The following TAMM41 variants were observed in gnomAD, a reference collection of about 807,000 sequenced individuals.
The protein encoded by TAMM41 is phosphatidate cytidylyltransferase, mitochondrial.
Under a neutral mutation model 44.1 loss-of-function variants are expected in TAMM41, and 36 were observed. The ratio of observed to expected loss-of-function variants is 0.82; its 90% CI spans 0.63 to 1.08. The LOEUF (loss-of-function observed/expected upper bound fraction) is 1.08. Ranked by LOEUF, TAMM41 falls within the 50% of genes least tolerant of loss-of-function variation. The pLI is 0.00. For synonymous variants in TAMM41, 164 were observed against 153.1 expected (o/e 1.07, Z -0.53); for missense variants, 417 against 404.3 (o/e 1.03, Z -0.27).
At chr3:11,731,935 C>T in the TAMM41 span, among the ~76,000 whole-genome samples, 17 of 151,106 alleles carry the variant, frequency 1.1e-4, no homozygotes, top group South Asian at 2.1e-4. Context: ...AGCACAATCT[C>T]GGCTCACTGC....
At chr3:11,801,413 T>C (rs374342200) in intron 7 of TAMM41, among the ~76,000 whole-genome samples, 1 of 151,978 alleles carries the variant, frequency 6.6e-6, no homozygotes. Flanking sequence ...AGCCTCAAAC[T>C]CCTTTGGCTC....
the TAMM41 span, among the ~76,000 whole-genome samples, chr3:11,749,901 C>CTT: frequency 2.9e-5 from 4 of 135,960 alleles, no homozygotes; most frequent in East Asian, 2.1e-4. Context: ...CTTTTTCTTT[C>CTT]TTTTTTTTTT....
At chr3:11,781,342 A>T in the TAMM41 span, among the ~76,000 whole-genome samples, 1 of 152,290 alleles carries the variant, frequency 6.6e-6, no homozygotes. Context: ...GTTCTTCCTG[A>T]TCTCAGAAAT....
intron 3 of TAMM41, among the ~76,000 whole-genome samples, chr3:11,830,245 C>T (rs977566534): frequency 6.6e-6 from 1 of 152,158 alleles, no homozygotes; most frequent in Non-Finnish European, 1.5e-5. Flanking sequence ...ATTTAGACCT[C>T]ATCTGTAATC....
the TAMM41 span, among the ~76,000 whole-genome samples, chr3:11,742,281 C>G: frequency 6.7e-6 from 1 of 150,350 alleles, no homozygotes; most frequent in East Asian, 1.9e-4. Flanking sequence ...GACCACCAAT[C>G]TGTTTTCCAT....
At chr3:11,757,775 A>G in the TAMM41 span, among the ~76,000 whole-genome samples, 1 of 152,184 alleles carries the variant, frequency 6.6e-6, no homozygotes, top group African/African-American at 2.4e-5. Context: ...TGGCCATGTC[A>G]CCATACCAGT....
chr3:11,766,790 A>C, the TAMM41 span, among the ~76,000 whole-genome samples: 1 of 151,708 alleles, frequency 6.6e-6, no homozygotes, highest in Non-Finnish European at 1.5e-5. Flanking sequence ...GGCTGGTCTC[A>C]AACTCCTGGC....
the TAMM41 span, among the ~76,000 whole-genome samples, chr3:11,770,886 T>TGTGCCCTTGG: frequency 6.6e-6 from 1 of 152,278 alleles, no homozygotes; most frequent in Admixed American, 6.5e-5. Flanking sequence ...TAGTCCCAGG[T>TGTGCCCTTGG]GTCTCTCCCC....
At position 11,844,066 on chromosome 3, in the gene TAMM41, C is replaced by A; in HGVS notation, c.281G>T (p.Gly94Val). 6.2e-7 allele frequency: 1 copy of A among 1,614,148 alleles called. No individual in the cohort carries two copies. The highest frequency in any genetic ancestry group is 1.7e-5 in the Admixed American group (1 of 60,016). ...ITSIQNNYGA[G>V]VYYNSLIMCN... ...CATGATCAATGAATTGTAGTAAACT[C>A]CAGCGCCATAGTTATTCTGGATGGA... The change falls in exon 2 of 8, where the codon GGA (glycine) becomes GTA (valine). Residue 94 changes from glycine (G) to valine (V), a missense_variant. Transcript: ENST00000455809.
chr3:11,813,991 T>C (rs903651968), intron 5 of TAMM41, among the ~76,000 whole-genome samples: 2 of 145,864 alleles, frequency 1.4e-5, no homozygotes, highest in Admixed American at 6.9e-5. Flanking sequence ...CACCTGTGTA[T>C]ACACACACAC....
chr3:11,762,955 T>C, the TAMM41 span, among the ~76,000 whole-genome samples: 4 of 152,104 alleles, frequency 2.6e-5, no homozygotes, highest in African/African-American at 7.2e-5. Flanking sequence ...GGGGAATCAC[T>C]TGAACCCAGA....
chr3:11,797,966 G>A (rs984945714), intron 7 of TAMM41, among the ~76,000 whole-genome samples: 4 of 152,188 alleles, frequency 2.6e-5, no homozygotes, highest in Admixed American at 2.6e-4. Flanking sequence ...TCTCACAGCA[G>A]TCAGAATGGT....
At chr3:11,786,583 G>A (rs1410853676), downstream of TAMM41, among the ~76,000 whole-genome samples, 8 of 152,020 alleles carry the variant, frequency 5.3e-5, no homozygotes, top group African/African-American at 1.9e-4. Flanking sequence ...GATTACAGGC[G>A]TGAGCCACTG....
intron 7 of TAMM41, among the ~76,000 whole-genome samples, chr3:11,802,470 T>A (rs1343019349): frequency 6.6e-6 from 1 of 152,080 alleles, no homozygotes; most frequent in Non-Finnish European, 1.5e-5. Flanking sequence ...GATAAATTCA[T>A]GGAAACATAA....
chr3:11,793,059 CAAAAAAAAAAAA>C (rs61264653), intron 7 of TAMM41, among the ~76,000 whole-genome samples: 1 of 65,128 alleles, frequency 1.5e-5, no homozygotes, highest in Non-Finnish European at 2.6e-5. Flanking sequence ...GGCCCCATCT[CAAAAAAAAAAAA>C]AAAAAAAAAA....
the TAMM41 span, among the ~76,000 whole-genome samples, chr3:11,741,155 G>T: frequency 1.0e-4 from 14 of 135,704 alleles, no homozygotes; most frequent in Non-Finnish European, 2.1e-4. Flanking sequence ...GGAGGCAGAG[G>T]TTGCAGTGAG....
At chr3:11,769,355 ATTTTTTTTT>A in the TAMM41 span, among the ~76,000 whole-genome samples, 3 of 132,904 alleles carry the variant, frequency 2.3e-5, no homozygotes, top group South Asian at 2.4e-4. Context: ...CTCCCAAGAG[ATTTTTTTTT>A]TTTTTTTTTT....
chr3:11,842,028 C>T (rs557269391), intron 2 of TAMM41, among the ~76,000 whole-genome samples: 5 of 152,304 alleles, frequency 3.3e-5, no homozygotes, highest in African/African-American at 1.2e-4. Context: ...CCTTCAAATC[C>T]TTCTCAAGTC....
At chr3:11,761,029 A>G in the TAMM41 span, among the ~76,000 whole-genome samples, 4 of 151,858 alleles carry the variant, frequency 2.6e-5, no homozygotes, top group East Asian at 2.0e-4. Context: ...TTAGCCAGGC[A>G]TGGTGGCAGG....
Sources: allele counts gnomAD v4.1 joint callset (sites outside exome capture counted in the v4.1 genomes callset), GRCh38; gene constraint gnomAD v4.1.1; transcripts MANE v1.5; gene names NCBI Gene and HGNC (gene_info 2026-07-23, HGNC 2026-07-21).